The following PTPRD variants were observed in gnomAD, a reference collection of about 807,000 sequenced individuals.
PTPRD encodes the protein protein tyrosine phosphatase receptor type D, also known as receptor-type tyrosine-protein phosphatase delta.
PTPRD carries 34 observed loss-of-function variants against 214.5 expected under a neutral mutation model. The observed-to-expected ratio is 0.16, with a 90% confidence interval of 0.12 to 0.21. The LOEUF (loss-of-function observed/expected upper bound fraction) is 0.21, where lower values mean the gene tolerates loss of function less well. Ranked by LOEUF, PTPRD falls within the 10% of genes least tolerant of loss-of-function variation. The pLI is 1.00. For missense variants in PTPRD, 2,545 were observed against 2,398.7 expected, an observed-to-expected ratio of 1.06 and a Z score of -1.27; for synonymous variants, 1,128 against 845.7, an observed-to-expected ratio of 1.33 and a Z score of -5.79.
At chr9:9,999,462 C>A (rs969359742) in intron 4 of PTPRD, among the ~76,000 whole-genome samples, 17 of 152,190 alleles carry the variant, frequency 1.1e-4, no homozygotes, top group Admixed American at 1.1e-3. Context: ...AATATTAGAA[C>A]TTCTTTTTAA....
intron 8 of PTPRD, among the ~76,000 whole-genome samples, chr9:9,555,704 A>G (rs1382446707): frequency 6.6e-6 from 1 of 152,124 alleles, no homozygotes; most frequent in African/African-American, 2.4e-5. Context: ...ATATGTCCTG[A>G]TTTCTTATGT....
At chr9:9,324,812 T>C (rs1211131707) in intron 9 of PTPRD, among the ~76,000 whole-genome samples, 4 of 152,352 alleles carry the variant, frequency 2.6e-5, no homozygotes, top group South Asian at 4.1e-4. Context: ...CTCTAGGGTT[T>C]TTATGGTTTT....
intron 10 of PTPRD, among the ~76,000 whole-genome samples, chr9:9,167,544 C>A (rs572082665): frequency 1.3e-4 from 20 of 152,068 alleles, no homozygotes; most frequent in Non-Finnish European, 2.4e-4. Context: ...CACCTGAGAT[C>A]GGGAGTTCGA....
chr9:8,433,708 T>C (rs997130112), intron 35 of PTPRD, among the ~76,000 whole-genome samples: 1 of 152,202 alleles, frequency 6.6e-6, no homozygotes, highest in African/African-American at 2.4e-5. Flanking sequence ...TACAGTGTGC[T>C]TGTGTTTTAA....
chr9:8,719,692 T>TA (rs2098471848), intron 12 of PTPRD, among the ~76,000 whole-genome samples: 1 of 149,908 alleles, frequency 6.7e-6, no homozygotes, highest in African/African-American at 2.5e-5. Flanking sequence ...ATAGCTGTGA[T>TA]AGAGACCCAC....
intron 10 of PTPRD, among the ~76,000 whole-genome samples, chr9:9,175,482 G>C (rs1233497769): frequency 6.6e-6 from 1 of 151,698 alleles, no homozygotes; most frequent in East Asian, 1.9e-4. Context: ...AATTAGCTGA[G>C]CATGATGGTG....
At chr9:9,897,073 C>T (rs1176520038) in intron 5 of PTPRD, among the ~76,000 whole-genome samples, 1 of 151,766 alleles carries the variant, frequency 6.6e-6, no homozygotes, top group Admixed American at 6.6e-5. Context: ...TTTTGACATT[C>T]CTCCTTCCTG....
At chr9:10,482,672 G>A (rs1479238914) in intron 2 of PTPRD, among the ~76,000 whole-genome samples, 3 of 152,110 alleles carry the variant, frequency 2.0e-5, no homozygotes, top group Non-Finnish European at 2.9e-5. Flanking sequence ...CACCAACAAT[G>A]ACCAAGATGA....
intron 2 of PTPRD, among the ~76,000 whole-genome samples, chr9:10,437,221 T>C (rs1277052891): frequency 1.3e-5 from 2 of 151,858 alleles, no homozygotes; most frequent in East Asian, 1.9e-4. Context: ...TAATCATAGA[T>C]AGCCAATATC....
chr9:8,936,599 A>C (rs1454874027), intron 11 of PTPRD, among the ~76,000 whole-genome samples: 3 of 152,128 alleles, frequency 2.0e-5, no homozygotes, highest in Non-Finnish European at 4.4e-5. Context: ...GAGGAACTGG[A>C]AACTTCAACT....
intron 9 of PTPRD, among the ~76,000 whole-genome samples, chr9:9,370,698 A>G (rs2059228778): frequency 6.6e-6 from 1 of 152,088 alleles, no homozygotes; most frequent in Admixed American, 6.6e-5. Context: ...CCAGTTTTCA[A>G]AGGGAATGCT....
intron 5 of PTPRD, among the ~76,000 whole-genome samples, chr9:9,841,688 A>C (rs1168037181): frequency 6.6e-6 from 1 of 152,168 alleles, no homozygotes; most frequent in Non-Finnish European, 1.5e-5. Flanking sequence ...TTTTAGTGGT[A>C]AAACTAAAAA....
At chr9:9,024,942 G>A (rs1236516191) in intron 10 of PTPRD, among the ~76,000 whole-genome samples, 1 of 151,928 alleles carries the variant, frequency 6.6e-6, no homozygotes, top group Non-Finnish European at 1.5e-5. Flanking sequence ...AGATGCAAAA[G>A]TGATTACAAA....
intron 7 of PTPRD, among the ~76,000 whole-genome samples, chr9:9,579,217 T>C (rs1189009345): frequency 6.6e-6 from 1 of 152,130 alleles, no homozygotes; most frequent in African/African-American, 2.4e-5. Context: ...GGGCTGGTCC[T>C]CATTAATAAC....
At chr9:8,968,759 A>C (rs1310677433) in intron 11 of PTPRD, among the ~76,000 whole-genome samples, 1 of 149,758 alleles carries the variant, frequency 6.7e-6, no homozygotes, top group East Asian at 2.0e-4. Flanking sequence ...GTCAATGCAA[A>C]ATTATAAATT....
At chr9:9,526,618 C>A (rs895047910) in intron 8 of PTPRD, among the ~76,000 whole-genome samples, 6 of 152,044 alleles carry the variant, frequency 3.9e-5, no homozygotes, top group African/African-American at 1.4e-4. Context: ...TTGGACATAA[C>A]TTTAATGCCA....
intron 33 of PTPRD, chr9:8,454,675 C>T: frequency 1.3e-6 from 2 of 1,486,218 alleles, no homozygotes; most frequent in Non-Finnish European, 1.9e-6. Context: ...ACCATGACAA[C>T]CAAGATTTAA....
intron 11 of PTPRD, among the ~76,000 whole-genome samples, chr9:8,826,111 C>A (rs1019584602): frequency 6.6e-6 from 1 of 152,062 alleles, no homozygotes; most frequent in Admixed American, 6.6e-5. Flanking sequence ...AGATAAAGGC[C>A]TGTATCTGTC....
intron 35 of PTPRD, among the ~76,000 whole-genome samples, chr9:8,419,070 T>C (rs1349075172): frequency 6.6e-6 from 1 of 151,474 alleles, no homozygotes; most frequent in Non-Finnish European, 1.5e-5. Context: ...TTTTAAAAAC[T>C]CATCACAAAA....
Sources: allele counts gnomAD v4.1 joint callset (sites outside exome capture counted in the v4.1 genomes callset), GRCh38; gene constraint gnomAD v4.1.1; transcripts MANE v1.5; gene names NCBI Gene and HGNC (gene_info 2026-07-23, HGNC 2026-07-21).